The following SMPD4 variants were observed in gnomAD, a reference collection of about 807,000 sequenced individuals.
The protein encoded by SMPD4 is neutral sphingomyelinase 3.
In SMPD4, 58 loss-of-function variants were observed where a neutral mutation model predicts 97.8. That is an observed-to-expected ratio of 0.59 (90% CI 0.48 to 0.74). The LOEUF is 0.74. SMPD4 is among the 30% of genes least tolerant of loss of function. SMPD4 has a pLI of 0.00. For synonymous variants in SMPD4, 388 were observed against 450.0 expected, an observed-to-expected ratio of 0.86 and a Z score of 1.74; for missense variants, 853 against 1,080.5, an observed-to-expected ratio of 0.79 and a Z score of 2.95.
Position 130,181,560 on chromosome 2 carries a change from A to C in SMPD4, c.-76T>G. On this transcript the variant is annotated 5_prime_UTR_variant, in exon 1 of 20. Coordinates refer to ENST00000680298, the MANE Select transcript of SMPD4 (RefSeq NM_017951.5). ...GGATCCATAGCGTCGCTCGCCTCAG[A>C]GATGGAAGCCGCCATTCCGCCACGG... 1 of 1,606,686 alleles carries C rather than the reference A, an allele frequency of 6.2e-7. No homozygotes were observed. The highest frequency in any genetic ancestry group is 8.5e-7 in the Non-Finnish European group (1 of 1,177,642).
At chr2:130,166,763 C>T (rs1687967480) in intron 9 of SMPD4, among the ~76,000 whole-genome samples, 1 of 152,232 alleles carries the variant, frequency 6.6e-6, no homozygotes, top group Non-Finnish European at 1.5e-5. Flanking sequence ...ACCATCCTGA[C>T]AGGCTGGAGC....
At chr2:130,158,369 G>T in intron 11 of SMPD4, 1 of 552,188 alleles carries the variant, frequency 1.8e-6, no homozygotes, top group Non-Finnish European at 2.7e-6. Flanking sequence ...CCAGGCTGGA[G>T]CACAGTGGCG....
chr2:130,155,306 A>ATGCCCCTAATGCCCGGTCCG (rs758866765), intron 14 of SMPD4, 47 bp from the exon 15 acceptor site: 3 of 1,608,094 alleles, frequency 1.9e-6, no homozygotes, highest in African/African-American at 1.3e-5. Flanking sequence ...AACTGGAAGC[A>ATGCCCCTAATGCCCGGTCCG]TGCCCCTAAT....
In SMPD4 at chr2:130,152,798, G is replaced by C; in HGVS notation, c.2241C>G (p.Ala747=). ...CCACAGGGCTCAGCAGGTGCCTGCT[G>C]GCCAGCCCAGGTTCTGTGAGGTGGT... The part of the protein sequence containing the change: ...CRYHLTEPGL[A]SRHLLSPVGR... Residue 747 remains alanine (A), a synonymous_variant, in exon 20 of 20, where the codon GCC becomes GCG. Transcript: ENST00000680298. 6.2e-7 allele frequency: 1 copy of C among 1,609,960 alleles called. No homozygotes were observed. The highest frequency in any genetic ancestry group is 1.1e-5 in the South Asian group (1 of 90,788).
intron 9 of SMPD4, among the ~76,000 whole-genome samples, chr2:130,166,739 G>C (rs1055020128): frequency 1.3e-5 from 2 of 152,238 alleles, no homozygotes; most frequent in Non-Finnish European, 2.9e-5. Context: ...CACTCAGGAA[G>C]TGAGCCAGCC....
At chr2:130,162,240 C>T (rs538652378) in intron 10 of SMPD4, among the ~76,000 whole-genome samples, 3 of 152,366 alleles carry the variant, frequency 2.0e-5, no homozygotes, top group Non-Finnish European at 4.4e-5. Context: ...CAGGACCCTC[C>T]GACCTGCTGC....
At chr2:130,167,289 T>G (rs1688028723) in intron 9 of SMPD4, among the ~76,000 whole-genome samples, 169 bp downstream of exon 9, 1 of 152,064 alleles carries the variant, frequency 6.6e-6, no homozygotes. Flanking sequence ...CCCAACTAAT[T>G]TTTGTGTTTT....
chr2:130,181,045 G>A (rs747997230), intron 1 of SMPD4, among the ~76,000 whole-genome samples: 7 of 152,152 alleles, frequency 4.6e-5, no homozygotes, highest in African/African-American at 1.2e-4. Context: ...ATCATTCCAA[G>A]CAAATTCTGT....
chr2:130,174,045 A>C (rs1688739815), intron 3 of SMPD4, among the ~76,000 whole-genome samples: 1 of 152,230 alleles, frequency 6.6e-6, no homozygotes, highest in South Asian at 2.1e-4. Flanking sequence ...TATTGAGACA[A>C]GGTCTCACTC....
chr2:130,170,474 A>AAAAAAAAAAAAAAAC (rs1688347463), intron 8 of SMPD4, among the ~76,000 whole-genome samples: 2 of 150,468 alleles, frequency 1.3e-5, no homozygotes, highest in African/African-American at 4.9e-5. Context: ...AAAAAAAAAA[A>AAAAAAAAAAAAAAAC]GCACACAATG....
intron 10 of SMPD4, among the ~76,000 whole-genome samples, chr2:130,162,745 C>T (rs1392878779): frequency 6.6e-6 from 1 of 152,234 alleles, no homozygotes; most frequent in Non-Finnish European, 1.5e-5. Context: ...GGCAAGAAGC[C>T]TTGGGAGACA....
intron 1 of SMPD4, among the ~76,000 whole-genome samples, chr2:130,179,877 A>G (rs773144087): frequency 1.3e-4 from 19 of 147,252 alleles, no homozygotes. Flanking sequence ...CTGGTCTCAA[A>G]CTCCTGACCT....
intron 6 of SMPD4, 50 bp from the exon 7 acceptor site, chr2:130,172,727 G>A (rs765234846): frequency 2.5e-5 from 41 of 1,613,946 alleles, no homozygotes; most frequent in Non-Finnish European, 3.5e-5. Flanking sequence ...GCCACCCCCC[G>A]CTCAGTGTCA....
chr2:130,181,113 T>C (rs1182931575), intron 1 of SMPD4, among the ~76,000 whole-genome samples: 1 of 152,176 alleles, frequency 6.6e-6, no homozygotes, highest in Non-Finnish European at 1.5e-5. Context: ...TCCTGCCAAT[T>C]GGGCTTCGGG....
rs139898525 is a variant in SMPD4 at position 130,167,057 on chromosome 2, G to T, written c.792+401C>A. On this transcript the variant is annotated intron_variant, in intron 9 of 19. Transcript: ENST00000680298. Reference sequence around the variant, plus strand: ...ATATCAACAATTTAGAATCAGCCCCGGGCTGAGGGGCCGCCTCTGGGACTC... The same window carrying T: ...ATATCAACAATTTAGAATCAGCCCCTGGCTGAGGGGCCGCCTCTGGGACTC... 2.0e-3 allele frequency among the ~76,000 whole-genome samples: 299 copies of T among 152,222 alleles called. 4 individuals carry two copies. In the East Asian group the frequency reaches 0.049, roughly 25 times the overall value.
intron 10 of SMPD4, among the ~76,000 whole-genome samples, chr2:130,161,856 C>A (rs1345440247): frequency 6.6e-6 from 1 of 152,176 alleles, no homozygotes; most frequent in Non-Finnish European, 1.5e-5. Context: ...ACTGGATTTC[C>A]CTGGGTTGTC....
At position 130,181,591 on chromosome 2, in the gene SMPD4, A is replaced by G. The variant is rs201034493; in HGVS notation, c.-107T>C. On this transcript the variant is annotated 5_prime_UTR_variant, in exon 1 of 20. Transcript: ENST00000680298. ...AAGCCGCCATTCCGCCACGGCGCCG[A>G]AAGTCGTCATCAAGCTGCGCGCAGA... is the stretch of plus-strand genomic sequence containing the variant. The G allele has an allele frequency of 3.0e-4, 481 of 1,603,806 alleles. 3 individuals are homozygous for G. Among genetic ancestry groups the G allele is most frequent in the Admixed American group, 6.3e-4 (37 of 58,708 alleles).
Position 130,152,777 on chromosome 2 carries a change from A to C in SMPD4, c.2262T>G (p.Pro754=). Residue 754 remains proline (P), a synonymous_variant, in exon 20 of 20, where the codon CCT becomes CCG. Transcript: ENST00000680298. ...PGLASRHLLS[P]VGRRQVAGHT... Reference sequence around the variant, plus strand: ...GGCCGGCCACCTGCCTCCGCCCCACAGGGCTCAGCAGGTGCCTGCTGGCCA... The same window carrying C: ...GGCCGGCCACCTGCCTCCGCCCCACCGGGCTCAGCAGGTGCCTGCTGGCCA... 1 of 1,608,486 alleles carries C rather than the reference A, an allele frequency of 6.2e-7. No individual in the cohort carries two copies. Among genetic ancestry groups the C allele is most frequent in the African/African-American group, 1.3e-5 (1 of 74,966 alleles).
rs553634971 is a variant in SMPD4, at chr2:130,177,559, T to G, written c.-45-922A>C. Among the ~76,000 whole-genome samples the G allele has an allele frequency of 2.0e-5, 3 of 152,056 alleles. No individual in the cohort carries two copies. The South Asian group carries it at 6.2e-4, about 32-fold the overall frequency. ...CCAAAATACAAAAATTAGCCGGGCA[T>G]GATGGTGGGTGCCTATAATCCCAGC... On this transcript the variant is annotated intron_variant, in intron 1 of 19. Coordinates refer to ENST00000680298, the MANE Select transcript of SMPD4 (RefSeq NM_017951.5).
Sources: allele counts gnomAD v4.1 joint callset (sites outside exome capture counted in the v4.1 genomes callset), GRCh38; gene constraint gnomAD v4.1.1; transcripts MANE v1.5; gene names NCBI Gene and HGNC (gene_info 2026-07-23, HGNC 2026-07-21).